RBFOX1: variants seen among roughly 807,000 people sequenced by gnomAD.
RBFOX1 encodes RNA binding fox-1 homolog 1, also known as RNA binding protein fox-1 homolog 1.
RBFOX1 carries 8 observed loss-of-function variants against 57.7 expected under a neutral mutation model. The observed-to-expected ratio is 0.14, with a 90% CI of 0.08 to 0.25. The LOEUF (loss-of-function observed/expected upper bound fraction) is 0.25, where lower values mean the gene tolerates loss of function less well. RBFOX1 is among the 10% of genes least tolerant of loss of function. The pLI is 1.00. For missense variants in RBFOX1, 611 were observed against 548.5 expected (o/e 1.11, Z -1.14); for synonymous variants, 326 against 222.4 (o/e 1.47, Z -4.15).
intron 3 of RBFOX1, among the ~76,000 whole-genome samples, chr16:5,812,284 T>C (rs1425080640): frequency 6.6e-6 from 1 of 152,218 alleles, no homozygotes; most frequent in Non-Finnish European, 1.5e-5. Flanking sequence ...TGTGCTTTTC[T>C]TTCTCTTGAG....
intron 2 of RBFOX1, among the ~76,000 whole-genome samples, chr16:6,349,197 A>G (rs1362918571): frequency 1.3e-5 from 2 of 152,196 alleles, no homozygotes; most frequent in East Asian, 1.9e-4. Context: ...TAGAGCAGCC[A>G]GAAAAAAAGC....
At chr16:6,790,775 G>T (rs774308481) in intron 3 of RBFOX1, among the ~76,000 whole-genome samples, 1 of 152,170 alleles carries the variant, frequency 6.6e-6, no homozygotes, top group African/African-American at 2.4e-5. Flanking sequence ...AAAAGCTCAG[G>T]ATGGGAAATA....
intron 1 of RBFOX1, among the ~76,000 whole-genome samples, chr16:6,100,861 T>C (rs556765027): frequency 3.3e-5 from 5 of 152,176 alleles, no homozygotes; most frequent in Non-Finnish European, 7.4e-5. Flanking sequence ...TATAGGAATG[T>C]TCCTTAAGTG....
intron 1 of RBFOX1, among the ~76,000 whole-genome samples, chr16:6,054,206 A>G: frequency 6.6e-6 from 1 of 152,190 alleles, no homozygotes; most frequent in Non-Finnish European, 1.5e-5. Context: ...ATTTTATTTC[A>G]TCCTGCTCTG....
At chr16:7,065,980 T>A (rs2055910648) in intron 4 of RBFOX1, among the ~76,000 whole-genome samples, 1 of 151,928 alleles carries the variant, frequency 6.6e-6, no homozygotes, top group Non-Finnish European at 1.5e-5. Flanking sequence ...ACCCAGAGAA[T>A]AACAAATAAA....
chr16:6,824,725 C>A (rs532544977), intron 3 of RBFOX1, among the ~76,000 whole-genome samples: 4 of 152,002 alleles, frequency 2.6e-5, no homozygotes, highest in South Asian at 2.1e-4. Flanking sequence ...TTTTACTTTT[C>A]TTTGAAAAAG....
chr16:5,319,067 C>T (rs577401334), intron 1 of RBFOX1, among the ~76,000 whole-genome samples: 16 of 152,222 alleles, frequency 1.1e-4, no homozygotes, highest in East Asian at 3.9e-4. Context: ...GTGGAGGTTG[C>T]GGTGAGCCGA....
intron 2 of RBFOX1, among the ~76,000 whole-genome samples, chr16:6,571,323 G>C (rs1281874514): frequency 1.3e-5 from 2 of 152,298 alleles, no homozygotes; most frequent in South Asian, 2.1e-4. Context: ...GAAGCTGCAG[G>C]GGGTGACGGT....
chr16:7,352,615 A>AGTTTG (rs2097148369), intron 4 of RBFOX1, among the ~76,000 whole-genome samples: 1 of 152,066 alleles, frequency 6.6e-6, no homozygotes, highest in Non-Finnish European at 1.5e-5. Context: ...AGCTCGCTAT[A>AGTTTG]TTTCCCATGT....
intron 1 of RBFOX1, among the ~76,000 whole-genome samples, chr16:6,312,435 C>T (rs1378624410): frequency 6.6e-6 from 1 of 152,126 alleles, no homozygotes; most frequent in Non-Finnish European, 1.5e-5. Context: ...ACTGACGACA[C>T]TTAAGTGTGC....
At chr16:6,892,775 C>CCTCTCTCTCTCTCTCTCTCTCTCT (rs750285832) in intron 3 of RBFOX1, among the ~76,000 whole-genome samples, 4 of 84,652 alleles carry the variant, frequency 4.7e-5, no homozygotes, top group African/African-American at 2.0e-4. Context: ...TCCCTGTCTC[C>CCTCTCTCTCTCTCTCTCTCTCTCT]CTCTCTCTCT....
chr16:5,954,710 G>C (rs868828975), intron 4 of RBFOX1, among the ~76,000 whole-genome samples: 1 of 152,116 alleles, frequency 6.6e-6, no homozygotes, highest in Non-Finnish European at 1.5e-5. Context: ...CGTGTGCGCC[G>C]TGAGCTATTA....
chr16:6,837,092 A>G (rs2093155931), intron 3 of RBFOX1, among the ~76,000 whole-genome samples: 1 of 152,252 alleles, frequency 6.6e-6, no homozygotes, highest in South Asian at 2.1e-4. Context: ...GGTTAACAAT[A>G]GCCAGAGCAG....
At chr16:7,350,549 C>G (rs920969293) in intron 4 of RBFOX1, among the ~76,000 whole-genome samples, 3 of 152,118 alleles carry the variant, frequency 2.0e-5, no homozygotes, top group African/African-American at 7.2e-5. Context: ...TTAAAAGATT[C>G]CTCTGGAAAG....
chr16:6,698,288 G>A (rs962077485), intron 3 of RBFOX1, among the ~76,000 whole-genome samples: 2 of 152,176 alleles, frequency 1.3e-5, no homozygotes, highest in African/African-American at 4.8e-5. Context: ...TAATCTATTT[G>A]TACATCTAAA....
intron 4 of RBFOX1, among the ~76,000 whole-genome samples, chr16:7,269,062 AAAAAAAAAG>A (rs1342525985): frequency 1.3e-5 from 2 of 150,842 alleles, no homozygotes; most frequent in Non-Finnish European, 3.0e-5. Context: ...AAAAAAAAAA[AAAAAAAAAG>A]AATCAGCCTC....
At position 7,676,857 on chromosome 16, in the gene RBFOX1, G is replaced by A. The variant is rs200394869; in HGVS notation, c.995+19G>A. On this transcript the variant is annotated intron_variant, in intron 14 of 15. Coordinates refer to ENST00000550418, the MANE Select transcript of RBFOX1 (RefSeq NM_018723.4). ...GTGACAGGTAAGGGTCATCCTTCTTGTGCTTGACAACTACTTGTAAATTAA... is the reference window on the plus strand; with the variant it reads ...GTGACAGGTAAGGGTCATCCTTCTTATGCTTGACAACTACTTGTAAATTAA... 6.2e-7 allele frequency: 1 copy of A among 1,600,014 alleles called. No homozygotes were observed. Among genetic ancestry groups the A allele is most frequent in the Non-Finnish European group, 8.6e-7 (1 of 1,167,672 alleles).
intron 3 of RBFOX1, among the ~76,000 whole-genome samples, chr16:6,998,034 A>G (rs1230621079): frequency 6.6e-6 from 1 of 152,126 alleles, no homozygotes; most frequent in Non-Finnish European, 1.5e-5. Flanking sequence ...TTCTTTTGTT[A>G]AAATTCAAGG....
intron 14 of RBFOX1, among the ~76,000 whole-genome samples, chr16:7,685,530 G>C (rs1299989900): frequency 6.6e-6 from 1 of 152,098 alleles, no homozygotes; most frequent in Non-Finnish European, 1.5e-5. Context: ...CCTATGCTAA[G>C]TGGAAAGCAT....
Sources: gnomAD v4.1 joint callset for allele counts (sites outside exome capture counted in the v4.1 genomes callset) on GRCh38, gnomAD v4.1.1 for gene constraint, MANE v1.5 for transcripts, NCBI Gene and HGNC (gene_info 2026-07-23, HGNC 2026-07-21) for gene names.